Variants in WDSUB1 observed in about 807,000 individuals in gnomAD.
WDSUB1 encodes WD repeat, SAM and U-box domain-containing protein 1.
A neutral mutation model predicts 53.9 loss-of-function variants in WDSUB1; 49 were observed. That is an observed-to-expected ratio of 0.91 (90% CI 0.72 to 1.15). WDSUB1 has a LOEUF of 1.15. Ranked by LOEUF, WDSUB1 falls within the 50% of genes most tolerant of loss-of-function variation. The pLI is 0.00. For synonymous variants in WDSUB1, 194 were observed against 200.6 expected (o/e 0.97, Z 0.28); for missense variants, 514 against 562.0 (o/e 0.91, Z 0.86).
intron 9 of WDSUB1, among the ~76,000 whole-genome samples, chr2:159,254,790 C>T (rs2061025615): frequency 6.6e-6 from 1 of 152,116 alleles, no homozygotes; most frequent in South Asian, 2.1e-4. Context: ...AGCCCCTACT[C>T]TATTACCTAC....
Position 159,282,891 on chromosome 2 carries a change from C to A in WDSUB1, c.179G>T (p.Cys60Phe). 1 of 1,614,178 alleles carries A rather than the reference C, an allele frequency of 6.2e-7. No homozygotes were observed. The highest frequency in any genetic ancestry group is 8.5e-7 in the Non-Finnish European group (1 of 1,180,040). ...AATATGTCCTGAAGGGGAGAAACAG[C>A]AGCAGTGGACAGCATAGGTATGAAA... is the stretch of plus-strand genomic sequence containing the variant. Reference protein sequence around the residue: ...LKFHTYAVHCCCFSPSGHILA... With the variant: ...LKFHTYAVHCFCFSPSGHILA... The change falls in exon 2 of 11, where the codon TGC becomes TTC. Residue 60 changes from cysteine to phenylalanine, a missense_variant. Transcript: ENST00000359774.
Position 159,248,424 on chromosome 2 carries a change from T to G in WDSUB1, c.1221A>C (p.Glu407Asp). Reference protein sequence around the residue: ...VKSLSSGIPDEFICPITRELM... With the variant: ...VKSLSSGIPDDFICPITRELM... ...GTTCTCTAGTTATTGGACATATAAATTCATCAGGAATTCCTGAAGAAAGGG... is the reference window on the plus strand; with the variant it reads ...GTTCTCTAGTTATTGGACATATAAAGTCATCAGGAATTCCTGAAGAAAGGG... The change falls in exon 10 of 11, where the codon GAA becomes GAC. Residue 407 changes from glutamate to aspartate, a missense_variant. By Grantham distance (45) the Glu-to-Asp change is conservative. Transcript: ENST00000359774. 1 of 1,610,736 alleles carries G rather than the reference T, an allele frequency of 6.2e-7. No homozygotes were observed. The highest frequency in any genetic ancestry group is 8.5e-7 in the Non-Finnish European group (1 of 1,178,940).
chr2:159,271,739 A>G lies in WDSUB1; in HGVS notation c.733T>C (p.Cys245Arg). 1 of 1,614,214 alleles carries G rather than the reference A, an allele frequency of 6.2e-7. No homozygotes were observed. The highest frequency in any genetic ancestry group is 1.1e-5 in the South Asian group (1 of 91,086). The change falls in exon 5 of 11, where the codon TGT (cysteine) becomes CGT (arginine). Residue 245 changes from cysteine to arginine, a missense_variant. Physicochemically the swap from Cys to Arg is radical, Grantham distance 180. Transcript: ENST00000359774. ...ATCTGCCCATCATGGGAAAAAGCAC[A>G]AGCCAGAACAGGAGCACAGTGCCCA... ...LSGHCAPVLA[C>R]AFSHDGQMLV...
intron 5 of WDSUB1, among the ~76,000 whole-genome samples, chr2:159,263,378 T>TG (rs1203117652): frequency 6.6e-6 from 1 of 152,144 alleles, no homozygotes; most frequent in African/African-American, 2.4e-5. Flanking sequence ...AAAAGTTATG[T>TG]GAAGAACCTG....
intron 10 of WDSUB1, 83 bp downstream of exon 10, chr2:159,248,289 A>T: frequency 6.6e-7 from 1 of 1,512,806 alleles, no homozygotes; most frequent in Non-Finnish European, 8.8e-7. Flanking sequence ...CTTCACATTT[A>T]AGCAAACTTC....
chr2:159,242,226 T>A lies in WDSUB1; in HGVS notation c.1274-6036A>T, dbSNP rs551424051. Among the ~76,000 whole-genome samples the A allele has an allele frequency of 4.9e-3, 717 of 146,464 alleles. 108 individuals are homozygous for A. Among genetic ancestry groups the A allele is most frequent in the African/African-American group, 0.017 (645 of 37,220 alleles). On this transcript the variant is annotated intron_variant, in intron 10 of 10. Transcript: ENST00000359774. Reference sequence around the variant, plus strand: ...CCACCACACCCAGCTAATTTTTTTTTAAATATATTTTTAGTAGAGACGGGG... The same window carrying A: ...CCACCACACCCAGCTAATTTTTTTTAAAATATATTTTTAGTAGAGACGGGG...
At chr2:159,250,543 C>A (rs555334255) in intron 9 of WDSUB1, among the ~76,000 whole-genome samples, 59 of 152,274 alleles carry the variant, frequency 3.9e-4, no homozygotes, top group African/African-American at 1.3e-3. Context: ...TTGAATGTAA[C>A]AAATCAGAGA....
intron 2 of WDSUB1, among the ~76,000 whole-genome samples, chr2:159,280,579 T>C (rs891450473): frequency 6.8e-6 from 1 of 146,212 alleles, no homozygotes; most frequent in South Asian, 2.2e-4. Flanking sequence ...TAGTCCCAGC[T>C]ACTTGGGAGG....
chr2:159,281,484 A>G (rs52849), intron 2 of WDSUB1, among the ~76,000 whole-genome samples: 9,391 of 152,218 alleles, frequency 0.062, 344 homozygotes, highest in African/African-American at 0.11. Context: ...TTAAATTGCA[A>G]TACAACATTA....
chr2:159,267,136 G>C (rs1046986316), intron 5 of WDSUB1, among the ~76,000 whole-genome samples: 1 of 151,920 alleles, frequency 6.6e-6, no homozygotes, highest in Non-Finnish European at 1.5e-5. Context: ...TTATTTATTT[G>C]AATGTTTATT....
chr2:159,244,992 G>A (rs1165701852), intron 10 of WDSUB1, among the ~76,000 whole-genome samples: 2 of 152,136 alleles, frequency 1.3e-5, no homozygotes, highest in Admixed American at 6.5e-5. Flanking sequence ...TTGACAAAAT[G>A]TGCAAAACCT....
At chr2:159,240,296 T>TG (rs979271965) in intron 10 of WDSUB1, among the ~76,000 whole-genome samples, 5 of 152,370 alleles carry the variant, frequency 3.3e-5, no homozygotes, top group African/African-American at 4.8e-5. Flanking sequence ...ACATCTGGGT[T>TG]GTTTCCACCT....
In WDSUB1 at chr2:159,235,975, A is replaced by T; in HGVS notation, c.*58T>A. 1 of 1,450,158 alleles carries T rather than the reference A, an allele frequency of 6.9e-7. No individual in the cohort carries two copies. The highest frequency in any genetic ancestry group is 9.2e-7 in the Non-Finnish European group (1 of 1,088,876). The allele number at this position is 1,450,158 out of a possible 1,614,324, so 89.8% of individuals were successfully genotyped here. ...TTTTAATAATGTCTGATTAGTATTT[A>T]CCTATAAATCATTCAAATGAGATCA... On this transcript the variant is annotated 3_prime_UTR_variant, in exon 11 of 11. Coordinates refer to ENST00000359774, the MANE Select transcript of WDSUB1 (RefSeq NM_001128212.3).
Position 159,257,473 on chromosome 2 carries a change from G to A in WDSUB1, c.952+285C>T, listed in dbSNP as rs6746843. 0.36 allele frequency among the ~76,000 whole-genome samples: 53,253 copies of A among 149,732 alleles called. 12,349 individuals carry two copies. The highest frequency in any genetic ancestry group is 0.54 in the Non-Finnish European group (36,515 of 67,756). On this transcript the variant is annotated intron_variant, in intron 8 of 10. Coordinates refer to ENST00000359774, the MANE Select transcript of WDSUB1 (RefSeq NM_001128212.3). ...ACGATCTCAGGTCACTGTAACCTCC[G>A]CCTCCCAGGTTCAAGCGATTCTCCT...
At chr2:159,282,328 G>A (rs1042004693) in intron 2 of WDSUB1, among the ~76,000 whole-genome samples, 1 of 152,090 alleles carries the variant, frequency 6.6e-6, no homozygotes, top group Non-Finnish European at 1.5e-5. Context: ...AAGTAGCTGG[G>A]ACTACAGGCG....
chr2:159,247,945 A>ATATATATATAAATATATATAT (rs1412175372), intron 10 of WDSUB1, among the ~76,000 whole-genome samples: 1 of 107,608 alleles, frequency 9.3e-6, no homozygotes, highest in Non-Finnish European at 1.8e-5. Context: ...ATATATATAA[A>ATATATATATAAATATATATAT]ATTTGGATTC....
chr2:159,255,159 A>C (rs550708326), intron 9 of WDSUB1, among the ~76,000 whole-genome samples: 3 of 151,962 alleles, frequency 2.0e-5, no homozygotes, highest in African/African-American at 7.2e-5. Flanking sequence ...CCCCCACACA[A>C]AAAGAGATAG....
chr2:159,248,491 T>C lies in WDSUB1; in HGVS notation c.1154A>G (p.Lys385Arg). Residue 385 changes from lysine to arginine, a missense_variant, in exon 10 of 11, where the codon AAA becomes AGA. Lys to Arg is a conservative substitution (Grantham distance 26, BLOSUM62 2). Transcript: ENST00000359774. ...LKIESLGLRS[K>R]VLRKIEELRT... ...GAGCTCTTCAATTTTCCTCAGCACT[T>C]TACTACGCAGTCCTAGAGATTCTGA... 1 of 1,566,124 alleles carries C rather than the reference T, an allele frequency of 6.4e-7. No homozygotes were observed. The highest frequency in any genetic ancestry group is 8.6e-7 in the Non-Finnish European group (1 of 1,163,330).
In WDSUB1 at chr2:159,242,247, C is replaced by T. The variant is rs947170772; in HGVS notation, c.1274-6057G>A. On this transcript the variant is annotated intron_variant, in intron 10 of 10. Coordinates refer to ENST00000359774, the MANE Select transcript of WDSUB1 (RefSeq NM_001128212.3). ...TTTTTAAATATATTTTTAGTAGAGA[C>T]GGGGTTTTACCGTGTTAGCCAGGAT... Among the ~76,000 whole-genome samples the T allele has an allele frequency of 8.9e-5, 13 of 145,964 alleles. 1 individual carries two copies. The highest frequency in any genetic ancestry group is 2.2e-4 in the South Asian group (1 of 4,594).
Sources: gnomAD v4.1 joint callset for allele counts (sites outside exome capture counted in the v4.1 genomes callset) on GRCh38, gnomAD v4.1.1 for gene constraint, MANE v1.5 for transcripts, NCBI Gene and HGNC (gene_info 2026-07-23, HGNC 2026-07-21) for gene names.